The following DAB1 variants were observed in gnomAD, a reference collection of about 807,000 sequenced individuals.
DAB1 encodes the protein disabled homolog 1.
DAB1 carries 15 observed loss-of-function variants against 64.6 expected under a neutral mutation model. That is an observed-to-expected ratio of 0.23 (90% CI 0.16 to 0.36). The LOEUF (loss-of-function observed/expected upper bound fraction) is 0.36, where lower values mean the gene tolerates loss of function less well. Ranked by LOEUF, DAB1 falls within the 10% of genes least tolerant of loss-of-function variation. The probability of loss-of-function intolerance (pLI) is 1.00; values close to 1 mark genes in which losing one functional copy is unlikely to be tolerated. For missense variants in DAB1, 596 were observed against 706.7 expected (o/e 0.84, Z 1.78); for synonymous variants, 235 against 251.9 (o/e 0.93, Z 0.64).
Position 58,220,581 on chromosome 1 carries a change from C to T in DAB1, n.310-69993G>A, listed in dbSNP as rs1013432390. On this transcript the variant is annotated intron_variant and non_coding_transcript_variant, in intron 4 of 20. Coordinates refer to the DAB1 transcript ENST00000485760. The stretch of plus-strand genomic sequence containing the variant: ...TTTACAGATGTGTAAGTATAGAGCC[C>T]GCCACATAACAAGTTAAAGAGCAGT... 4.6e-5 allele frequency among the ~76,000 whole-genome samples: 7 copies of T among 152,030 alleles called. No individual in the cohort carries two copies. In the East Asian group the frequency reaches 7.7e-4, roughly 17 times the overall value.
chr1:57,540,901 T>C (rs1419155175), intron 7 of DAB1, among the ~76,000 whole-genome samples: 1 of 152,064 alleles, frequency 6.6e-6, no homozygotes, highest in Non-Finnish European at 1.5e-5. Flanking sequence ...AGTCCTAATG[T>C]TTAATAACAC....
intron 4 of DAB1, among the ~76,000 whole-genome samples, chr1:57,093,125 G>A (rs1653845013): frequency 6.6e-6 from 1 of 152,162 alleles, no homozygotes. Flanking sequence ...GAGTAGAGCT[G>A]GTCCTAGGTT....
At chr1:58,443,779 T>C (rs1645037600) in intron 3 of DAB1, among the ~76,000 whole-genome samples, 1 of 152,250 alleles carries the variant, frequency 6.6e-6, no homozygotes, top group Non-Finnish European at 1.5e-5. Flanking sequence ...TAAGCAATCA[T>C]GTTTACTCTT....
At chr1:58,203,481 C>T (rs1658106984) in intron 4 of DAB1, among the ~76,000 whole-genome samples, 1 of 152,220 alleles carries the variant, frequency 6.6e-6, no homozygotes. Context: ...TAAACACACA[C>T]TGAAACATAT....
intron 4 of DAB1, among the ~76,000 whole-genome samples, chr1:58,292,050 T>A (rs1453944657): frequency 6.6e-6 from 1 of 152,156 alleles, no homozygotes; most frequent in Non-Finnish European, 1.5e-5. Context: ...AAGGAGGAAT[T>A]TGTCCCCTTT....
At chr1:58,288,025 A>AT in intron 4 of DAB1, among the ~76,000 whole-genome samples, 1 of 127,410 alleles carries the variant, frequency 7.8e-6, no homozygotes. Context: ...GCCTCAAAAA[A>AT]AAAAAAAAAA....
chr1:57,916,864 A>G (rs1644734234), intron 5 of DAB1, among the ~76,000 whole-genome samples: 1 of 151,752 alleles, frequency 6.6e-6, no homozygotes, highest in Admixed American at 6.6e-5. Context: ...AACTGCTTGA[A>G]CCTGGGAGGC....
At chr1:58,357,818 C>T (rs1033925802) in intron 3 of DAB1, among the ~76,000 whole-genome samples, 1 of 151,900 alleles carries the variant, frequency 6.6e-6, no homozygotes, top group African/African-American at 2.4e-5. Context: ...TGAAATCCAA[C>T]ATCTATAGTG....
chr1:58,522,943 C>T lies in DAB1; in HGVS notation n.107+4318G>A, dbSNP rs1264856228. 2.0e-5 allele frequency among the ~76,000 whole-genome samples: 3 copies of T among 152,016 alleles called. No individual in the cohort carries two copies. In the East Asian group the frequency reaches 5.8e-4, roughly 29 times the overall value. On this transcript the variant is annotated intron_variant and non_coding_transcript_variant, in intron 2 of 20. Coordinates refer to the DAB1 transcript ENST00000485760. ...AGTTCCAGGGGTGGCAGAGGTAGAA[C>T]GGGAGACAGGAAAGGCAGGCATAAT... is the stretch of plus-strand genomic sequence containing the variant.
intron 6 of DAB1, among the ~76,000 whole-genome samples, chr1:57,706,771 C>G (rs1308927949): frequency 3.3e-5 from 5 of 151,850 alleles, no homozygotes; most frequent in Admixed American, 6.6e-5. Flanking sequence ...TATTAACCAC[C>G]CCAATTAAGA....
intron 1 of DAB1, among the ~76,000 whole-genome samples, chr1:57,343,008 GGCTCGGGCAGCCTGC>G (rs1677747256): frequency 2.6e-5 from 1 of 37,978 alleles, no homozygotes; most frequent in Non-Finnish European, 7.4e-5. Context: ...TGCCACTGCT[GGCTCGGGCAGCCTGC>G]TTTTATTGTC....
chr1:58,209,216 T>C (rs75489963), intron 4 of DAB1, among the ~76,000 whole-genome samples: 1,663 of 152,306 alleles, frequency 0.011, 31 homozygotes, highest in African/African-American at 0.038. Context: ...GGGACAGCTA[T>C]AGGTTGGAGT....
chr1:57,686,318 G>A (rs1570736929), intron 6 of DAB1, among the ~76,000 whole-genome samples: 1 of 152,236 alleles, frequency 6.6e-6, no homozygotes, highest in East Asian at 1.9e-4. Flanking sequence ...TAAATTCCTA[G>A]AAACACACAA....
At chr1:58,060,733 T>G (rs780209519) in intron 5 of DAB1, among the ~76,000 whole-genome samples, 1 of 152,244 alleles carries the variant, frequency 6.6e-6, no homozygotes, top group Non-Finnish European at 1.5e-5. Flanking sequence ...CAGGGTAAAC[T>G]GCCAATTCTC....
intron 4 of DAB1, among the ~76,000 whole-genome samples, chr1:57,112,665 C>A (rs952637375): frequency 1.3e-5 from 2 of 151,940 alleles, no homozygotes; most frequent in Non-Finnish European, 2.9e-5. Context: ...CAGCTATACA[C>A]CAAATGTTTT....
intron 11 of DAB1, among the ~76,000 whole-genome samples, chr1:57,016,175 C>A (rs1486623383): frequency 6.6e-6 from 1 of 152,016 alleles, no homozygotes; most frequent in Non-Finnish European, 1.5e-5. Context: ...TAGATAGAGG[C>A]TAGAAAGTTA....
intron 9 of DAB1, among the ~76,000 whole-genome samples, chr1:57,047,235 A>G (rs909294062): frequency 6.6e-6 from 1 of 152,208 alleles, no homozygotes; most frequent in Admixed American, 6.5e-5. Context: ...GAAATAGCAC[A>G]TTAAGTGCCT....
intron 4 of DAB1, among the ~76,000 whole-genome samples, chr1:58,189,032 G>A (rs1022252654): frequency 1.3e-5 from 2 of 152,138 alleles, no homozygotes; most frequent in Non-Finnish European, 2.9e-5. Context: ...TTTTTTACAT[G>A]TCCATAGAGC....
At chr1:58,334,134 C>T (rs1380327519) in intron 4 of DAB1, among the ~76,000 whole-genome samples, 1 of 152,074 alleles carries the variant, frequency 6.6e-6, no homozygotes, top group Non-Finnish European at 1.5e-5. Flanking sequence ...CATATCTTGA[C>T]CAATGGAATA....
Sources: gnomAD v4.1 joint callset for allele counts (sites outside exome capture counted in the v4.1 genomes callset) on GRCh38, gnomAD v4.1.1 for gene constraint, MANE v1.5 for transcripts, NCBI Gene and HGNC (gene_info 2026-07-23, HGNC 2026-07-21) for gene names.